JPT2: variants seen among roughly 807,000 people sequenced by gnomAD.
JPT2 encodes the protein Jupiter microtubule associated homolog 2.
Under a neutral mutation model 15.9 loss-of-function variants are expected in JPT2, and 9 were observed. The observed-to-expected ratio is 0.57, with a 90% CI of 0.34 to 0.99. The LOEUF is 0.99. JPT2 is among the 50% of genes least tolerant of loss of function. The pLI, the probability that JPT2 is intolerant of heterozygous loss-of-function variation, is 0.02. For missense variants in JPT2, 267 were observed against 252.1 expected, an observed-to-expected ratio of 1.06 and a Z score of -0.40; for synonymous variants, 95 against 91.7, an observed-to-expected ratio of 1.04 and a Z score of -0.21.
rs2037163585 is a variant in JPT2, at chr16:1,699,073, C to G, written c.*75C>G. The G allele has an allele frequency of 6.8e-7, 1 of 1,473,962 alleles. No homozygotes were observed. The highest frequency in any genetic ancestry group is 9.4e-7 in the Non-Finnish European group (1 of 1,062,582). 91.3% of individuals were successfully genotyped at this position (1,473,962 alleles called of 1,614,324 possible). On this transcript the variant is annotated 3_prime_UTR_variant, in exon 5 of 5. Coordinates refer to ENST00000248098, the MANE Select transcript of JPT2 (RefSeq NM_144570.3). ...GTAGCCATGTTTTCATTTCCTTTTGCCCAAATGAGCGGGGTGGGAAGAGGG... is the reference window on the plus strand; with the variant it reads ...GTAGCCATGTTTTCATTTCCTTTTGGCCAAATGAGCGGGGTGGGAAGAGGG...
chr16:1,700,768 T>C lies in JPT2; in HGVS notation c.*1770T>C, dbSNP rs1429898709. The C allele has an allele frequency of 6.6e-6, 1 of 152,442 alleles. No individual in the cohort carries two copies. The highest frequency in any genetic ancestry group is 1.5e-5 in the Non-Finnish European group (1 of 68,204). The allele number at this position is 152,442 out of a possible 1,614,324, so 9.4% of individuals were successfully genotyped here. ...ACCATTTATAACTTCTGTTTTTTTA[T>C]TGAGAAAATGATTCACGAATTCCAA... is the stretch of plus-strand genomic sequence containing the variant. On this transcript the variant is annotated 3_prime_UTR_variant, in exon 5 of 5. Transcript: ENST00000248098.
chr16:1,681,554 A>G (rs531243317), intron 1 of JPT2, among the ~76,000 whole-genome samples: 44 of 152,246 alleles, frequency 2.9e-4, no homozygotes, highest in African/African-American at 9.9e-4. Flanking sequence ...CCACAGACTC[A>G]ATTTGGGTTT....
intron 3 of JPT2, 34 bp from the exon 4 acceptor site, chr16:1,697,778 G>A (rs1316192292): frequency 6.2e-7 from 1 of 1,607,736 alleles, no homozygotes; most frequent in East Asian, 2.2e-5. Context: ...AATTTTCTGA[G>A]TGAGTCCTGA....
At position 1,699,072 on chromosome 16, in the gene JPT2, G is replaced by A. The variant is rs751442195; in HGVS notation, c.*74G>A. ...GGTAGCCATGTTTTCATTTCCTTTT[G>A]CCCAAATGAGCGGGGTGGGAAGAGG... On this transcript the variant is annotated 3_prime_UTR_variant, in exon 5 of 5. Coordinates refer to ENST00000248098, the MANE Select transcript of JPT2 (RefSeq NM_144570.3). 2 of 1,478,278 alleles carry A rather than the reference G, an allele frequency of 1.4e-6. No homozygotes were observed. The highest frequency in any genetic ancestry group is 1.1e-5 in the South Asian group (1 of 88,278). The allele number at this position is 1,478,278 out of a possible 1,614,324, so 91.6% of individuals were successfully genotyped here. A position where few individuals can be genotyped will look rare whatever the true frequency, so the allele number is the denominator to read the frequency against.
chr16:1,685,546 CAGA>C lies in JPT2; in HGVS notation c.157_159del (p.Glu53del). ...ATGGCATCTAATATTTTTGGACCAA[CAGA>C]AGAACCTCAGAACATACCCAAGAGG... On this transcript the variant is annotated inframe_deletion, in exon 2 of 5. Transcript: ENST00000248098. The C allele has an allele frequency of 6.2e-7, 1 of 1,614,192 alleles. No individual in the cohort carries two copies. Among genetic ancestry groups the C allele is most frequent in the Non-Finnish European group, 8.5e-7 (1 of 1,180,044 alleles).
intron 1 of JPT2, among the ~76,000 whole-genome samples, chr16:1,679,477 C>T (rs1384953032): frequency 6.6e-6 from 1 of 152,122 alleles, no homozygotes. Context: ...GGGCGAGTCA[C>T]GTGAGGTCAA....
At chr16:1,694,360 G>A (rs529417296) in intron 3 of JPT2, among the ~76,000 whole-genome samples, 7 of 152,262 alleles carry the variant, frequency 4.6e-5, no homozygotes, top group African/African-American at 7.2e-5. Flanking sequence ...ACAGAGCTGC[G>A]CTCAGAACAA....
rs1182589979 is a variant in JPT2 at position 1,698,476 on chromosome 16, G to T, written c.386-335G>T. 3.3e-5 allele frequency among the ~76,000 whole-genome samples: 5 copies of T among 152,156 alleles called. No homozygotes were observed. Among genetic ancestry groups the T allele is most frequent in the Non-Finnish European group, 7.4e-5 (5 of 68,024 alleles). On this transcript the variant is annotated intron_variant, in intron 4 of 4. Transcript: ENST00000248098. The surrounding 1 kb of genome is among the most constrained non-coding windows in gnomAD (Gnocchi z 4.9). ...AGGATGCATTCCCTCGCCGCCTCAT[G>T]GTCACTCTCAGGGGCTTGCTTTCTA...
intron 1 of JPT2, among the ~76,000 whole-genome samples, chr16:1,682,632 A>G (rs972147831): frequency 6.6e-6 from 1 of 151,908 alleles, no homozygotes; most frequent in Non-Finnish European, 1.5e-5. Context: ...AGATTGTGCC[A>G]TTGCACTCTG....
intron 1 of JPT2, among the ~76,000 whole-genome samples, chr16:1,680,099 C>T (rs1432061822): frequency 1.3e-5 from 2 of 152,150 alleles, no homozygotes; most frequent in African/African-American, 4.8e-5. Flanking sequence ...GATTATTATG[C>T]CTAGGTCTGC....
rs900339788 is a variant in JPT2 at position 1,701,853 on chromosome 16, ATAC to A, written c.*2859_*2861del. Reference sequence around the variant, plus strand: ...GGAGTTTGAGACCAGCCTAGACAACATACTACGACCCTGTCTATACAAAAAAAA... The same window carrying A: ...GGAGTTTGAGACCAGCCTAGACAACATACGACCCTGTCTATACAAAAAAAA... On this transcript the variant is annotated 3_prime_UTR_variant, in exon 5 of 5. Coordinates refer to ENST00000248098, the MANE Select transcript of JPT2 (RefSeq NM_144570.3). 7.7e-6 allele frequency: 2 copies of A among 260,102 alleles called. No individual in the cohort carries two copies. Among genetic ancestry groups the A allele is most frequent in the African/African-American group, 4.4e-5 (2 of 45,418 alleles). 16.1% of individuals were successfully genotyped at this position (260,102 alleles called of 1,614,324 possible).
intron 3 of JPT2, chr16:1,692,291 G>T: frequency 2.7e-6 from 1 of 367,724 alleles, no homozygotes; most frequent in Non-Finnish European, 5.0e-6. Flanking sequence ...GGTGGGGAGC[G>T]GAACGTGCCG....
intron 2 of JPT2, chr16:1,690,472 A>C (rs1274965421): frequency 6.6e-6 from 1 of 152,172 alleles, no homozygotes; most frequent in African/African-American, 2.4e-5. Flanking sequence ...ATTCCTTTGG[A>C]GTTGGTGTTT....
rs1286639058 is a variant in JPT2, at chr16:1,686,973, GT to G, written c.193+1392del. The stretch of plus-strand genomic sequence containing the variant: ...AAAAAAGCAGTAGATCCAGAAACTA[GT>G]TTTTTCTTTTGTTTTTAGTCTGTTT... On this transcript the variant is annotated intron_variant, in intron 2 of 4. Coordinates refer to ENST00000248098, the MANE Select transcript of JPT2 (RefSeq NM_144570.3). Among the ~76,000 whole-genome samples the G allele has an allele frequency of 2.0e-5, 3 of 152,218 alleles. No homozygotes were observed. The South Asian group carries it at 6.2e-4, about 32-fold the overall frequency.
Position 1,697,800 on chromosome 16 carries a change from G to C in JPT2, c.337-12G>C, listed in dbSNP as rs528299295. 1 of 1,613,718 alleles carries C rather than the reference G, an allele frequency of 6.2e-7. No individual in the cohort carries two copies. Among genetic ancestry groups the C allele is most frequent in the Admixed American group, 1.7e-5 (1 of 59,928 alleles). Reference sequence around the variant, plus strand: ...TGAGTGAGTCCTGATTTGGTGGTTTGCCTTGTTGCAGGATCATGTTTTCTT... The same window carrying C: ...TGAGTGAGTCCTGATTTGGTGGTTTCCCTTGTTGCAGGATCATGTTTTCTT... On this transcript the variant is annotated splice_polypyrimidine_tract_variant and intron_variant, in intron 3 of 4. Transcript: ENST00000248098.
chr16:1,684,222 G>A (rs145617248), intron 1 of JPT2, among the ~76,000 whole-genome samples: 4 of 152,288 alleles, frequency 2.6e-5, no homozygotes, highest in Non-Finnish European at 4.4e-5. Flanking sequence ...GTTTCTAAAC[G>A]TCTGGGATCA....
At chr16:1,684,220 A>T (rs1398374917) in intron 1 of JPT2, among the ~76,000 whole-genome samples, 1 of 152,184 alleles carries the variant, frequency 6.6e-6, no homozygotes, top group Non-Finnish European at 1.5e-5. Context: ...TCGTTTCTAA[A>T]CGTCTGGGAT....
At chr16:1,684,608 C>T (rs992185358) in intron 1 of JPT2, among the ~76,000 whole-genome samples, 15 of 152,022 alleles carry the variant, frequency 9.9e-5, no homozygotes, top group Admixed American at 6.6e-5. Flanking sequence ...GGTGTGGTGG[C>T]GCATACCTGT....
chr16:1,691,477 C>G (rs1264783385), intron 2 of JPT2, among the ~76,000 whole-genome samples: 1 of 152,180 alleles, frequency 6.6e-6, no homozygotes, highest in Non-Finnish European at 1.5e-5. Context: ...TATTTTTAAT[C>G]TACTGAAGAA....
Sources: gnomAD v4.1 joint callset for allele counts (sites outside exome capture counted in the v4.1 genomes callset) on GRCh38, gnomAD v4.1.1 for gene constraint, Gnocchi (gnomAD v3.1) non-coding constraint, MANE v1.5 for transcripts, NCBI Gene and HGNC (gene_info 2026-07-23, HGNC 2026-07-21) for gene names.